PAQR5: variants seen among roughly 807,000 people sequenced by gnomAD.
PAQR5 encodes membrane progestin receptor gamma.
A neutral mutation model predicts 34.5 loss-of-function variants in PAQR5; 20 were observed. That is an observed-to-expected ratio of 0.58 (90% CI 0.41 to 0.84). The LOEUF is 0.84. Among genes scored for constraint, PAQR5 ranks in the 40% least tolerant of loss-of-function variants. The probability of loss-of-function intolerance (pLI) is 0.00; values close to 1 mark genes in which losing one functional copy is unlikely to be tolerated. For synonymous variants in PAQR5, 131 were observed against 155.6 expected, an observed-to-expected ratio of 0.84 and a Z score of 1.18; for missense variants, 378 against 412.7, an observed-to-expected ratio of 0.92 and a Z score of 0.73.
At position 69,300,892 on chromosome 15, in the gene PAQR5, T is replaced by TCTTC. The variant is rs1555411083; in HGVS notation, c.-277+1856_-277+1859dup. Among the ~76,000 whole-genome samples the TCTTC allele has an allele frequency of 2.5e-4, 5 of 20,098 alleles. 2 individuals carry two copies. The highest frequency in any genetic ancestry group is 3.4e-4 in the African/African-American group (3 of 8,698). 13.2% of individuals were successfully genotyped at this position (20,098 alleles called of 152,430 possible). A position where few individuals can be genotyped will look rare whatever the true frequency, so the allele number is the denominator to read the frequency against. Reference sequence around the variant, plus strand: ...TTCTTTCTTTCTTTCTTTCTTTCTTTCTTCCTTCCTTCCTTCCTTCCTTTC... The same window carrying TCTTC: ...TTCTTTCTTTCTTTCTTTCTTTCTTTCTTCCTTCCTTCCTTCCTTCCTTCCTTTC... On this transcript the variant is annotated intron_variant, in intron 1 of 8. Coordinates refer to ENST00000395407, the MANE Select transcript of PAQR5 (RefSeq NM_017705.4).
At chr15:69,361,451 C>T (rs182446079) in intron 3 of PAQR5, among the ~76,000 whole-genome samples, 30 of 152,250 alleles carry the variant, frequency 2.0e-4, no homozygotes, top group Admixed American at 1.6e-3. Flanking sequence ...ACTTCCATCA[C>T]GAGGGAGTGT....
intron 1 of PAQR5, among the ~76,000 whole-genome samples, chr15:69,332,749 A>C (rs1293939825): frequency 1.0e-5 from 1 of 95,542 alleles, no homozygotes. Flanking sequence ...TCCTTTCTCT[A>C]AACTACCCTG....
intron 3 of PAQR5, among the ~76,000 whole-genome samples, chr15:69,370,177 T>C (rs1396914954): frequency 6.6e-6 from 1 of 152,218 alleles, no homozygotes; most frequent in East Asian, 1.9e-4. Context: ...AATCCTTGGT[T>C]CCACCAGCTG....
Position 69,405,315 on chromosome 15 carries a change from T to C in PAQR5, c.*1493T>C, listed in dbSNP as rs2140286350. On this transcript the variant is annotated 3_prime_UTR_variant, in exon 9 of 9. Coordinates refer to ENST00000395407, the MANE Select transcript of PAQR5 (RefSeq NM_017705.4). ...TTAGACTACTGCCTCTACCATTAAC[T>C]AGCCCAGACATTTGAATGGCCTTGT... is the stretch of plus-strand genomic sequence containing the variant. The C allele has an allele frequency of 4.0e-6, 1 of 249,946 alleles. No individual in the cohort carries two copies. Among genetic ancestry groups the C allele is most frequent in the South Asian group, 1.8e-4 (1 of 5,702 alleles). 15.5% of individuals were successfully genotyped at this position (249,946 alleles called of 1,614,324 possible). A position where few individuals can be genotyped will look rare whatever the true frequency, so the allele number is the denominator to read the frequency against.
chr15:69,307,008 A>G (rs550871770), intron 1 of PAQR5, among the ~76,000 whole-genome samples: 12 of 152,192 alleles, frequency 7.9e-5, no homozygotes, highest in Non-Finnish European at 7.3e-5. Flanking sequence ...TTCACTTAGC[A>G]TAGTGTCTTC....
At chr15:69,307,620 C>G (rs928203366) in intron 1 of PAQR5, among the ~76,000 whole-genome samples, 5 of 152,210 alleles carry the variant, frequency 3.3e-5, no homozygotes, top group African/African-American at 1.2e-4. Context: ...GGCTGAGGAA[C>G]TTGGGCTCTG....
At chr15:69,380,103 T>G in intron 4 of PAQR5, 93 bp downstream of exon 4, 1 of 1,420,328 alleles carries the variant, frequency 7.0e-7, no homozygotes, top group Non-Finnish European at 9.7e-7. Context: ...AGGGCTGAGA[T>G]TCTGTGCTGG....
chr15:69,401,171 C>T (rs567868641), intron 8 of PAQR5: 2 of 152,332 alleles, frequency 1.3e-5, no homozygotes, highest in East Asian at 3.9e-4. Flanking sequence ...GAGGAGGAAC[C>T]CTTGCATCAT....
intron 3 of PAQR5, among the ~76,000 whole-genome samples, chr15:69,363,290 A>C (rs1191098825): frequency 6.6e-6 from 1 of 152,174 alleles, no homozygotes; most frequent in African/African-American, 2.4e-5. Context: ...AGAAGGCAGA[A>C]TTTGTGTGTA....
intron 3 of PAQR5, among the ~76,000 whole-genome samples, chr15:69,379,165 G>A (rs1253808697): frequency 6.6e-6 from 1 of 152,052 alleles, no homozygotes; most frequent in Non-Finnish European, 1.5e-5. Context: ...GGGCTGTTGT[G>A]CCTCTGGCCT....
At chr15:69,339,168 A>ACCTC (rs111647955) in intron 2 of PAQR5, among the ~76,000 whole-genome samples, 2 of 134,068 alleles carry the variant, frequency 1.5e-5, no homozygotes. Flanking sequence ...CCCACTGGCT[A>ACCTC]CACCCCCCAC....
At chr15:69,315,329 G>T (rs549675338) in intron 1 of PAQR5, among the ~76,000 whole-genome samples, 13 of 152,264 alleles carry the variant, frequency 8.5e-5, no homozygotes, top group Non-Finnish European at 1.8e-4. Context: ...CGGGGTCTTT[G>T]TCTGAATAAT....
intron 2 of PAQR5, among the ~76,000 whole-genome samples, chr15:69,358,813 AC>A: frequency 6.6e-6 from 1 of 151,874 alleles, no homozygotes; most frequent in Middle Eastern, 3.4e-3. Flanking sequence ...ACAAGGTCTC[AC>A]TATATCACCC....
chr15:69,329,424 A>T (rs2054327289), intron 1 of PAQR5, among the ~76,000 whole-genome samples: 1 of 150,032 alleles, frequency 6.7e-6, no homozygotes, highest in Non-Finnish European at 1.5e-5. Context: ...TAGATGGTAA[A>T]TTATATATGT....
chr15:69,350,860 G>T (rs1041963442), intron 2 of PAQR5, among the ~76,000 whole-genome samples: 1 of 152,276 alleles, frequency 6.6e-6, no homozygotes, highest in East Asian at 1.9e-4. Context: ...CCCAGGCTTC[G>T]CCAAAGGGAT....
chr15:69,372,504 C>T (rs2055591807), intron 3 of PAQR5, among the ~76,000 whole-genome samples: 1 of 152,170 alleles, frequency 6.6e-6, no homozygotes, highest in African/African-American at 2.4e-5. Flanking sequence ...GATCGTGCCA[C>T]TGCACTCCAC....
In PAQR5 at chr15:69,360,103, G is replaced by A. The variant is rs759132084; in HGVS notation, c.23G>A (p.Arg8Lys). The change falls in exon 3 of 9, where the codon AGG (arginine) becomes AAG (lysine). Residue 8 changes from arginine to lysine, a missense_variant. Physicochemically the swap from Arg to Lys is conservative, Grantham distance 26 (BLOSUM62 2). Transcript: ENST00000395407. ...AAGATGCTGAGCCTGAAGCTCCCCA[G>A]GCTGTTTAGCATAGACCAGATACCC... MLSLKLP[R>K]LFSIDQIPQV... The A allele has an allele frequency of 3.7e-6, 6 of 1,613,780 alleles. No homozygotes were observed. The highest frequency in any genetic ancestry group is 5.1e-6 in the Non-Finnish European group (6 of 1,179,832).
Position 69,385,470 on chromosome 15 carries a change from G to C in PAQR5, c.385+588G>C, listed in dbSNP as rs183819465. Among the ~76,000 whole-genome samples, 1 of 152,240 alleles carries C rather than the reference G, an allele frequency of 6.6e-6. No individual in the cohort carries two copies. Among genetic ancestry groups the C allele is most frequent in the African/African-American group, 2.4e-5 (1 of 41,514 alleles). ...AGAGGCTTAGCACAATCAGAGAGAT[G>C]CTCAGAGTGTGCGGGAATAGATCAG... is the stretch of plus-strand genomic sequence containing the variant. On this transcript the variant is annotated intron_variant, in intron 5 of 8. Coordinates refer to ENST00000395407, the MANE Select transcript of PAQR5 (RefSeq NM_017705.4). This position sits in a 1 kb window ranked among gnomAD's most constrained non-coding sequence, Gnocchi z 4.7.
intron 6 of PAQR5, among the ~76,000 whole-genome samples, chr15:69,395,118 G>T (rs1164732629): frequency 6.6e-6 from 1 of 152,234 alleles, no homozygotes; most frequent in Non-Finnish European, 1.5e-5. Flanking sequence ...ACGGCAGGCG[G>T]TGGCAGGGCA....
Sources: gnomAD v4.1 joint callset for allele counts (sites outside exome capture counted in the v4.1 genomes callset) on GRCh38, gnomAD v4.1.1 for gene constraint, Gnocchi (gnomAD v3.1) non-coding constraint, MANE v1.5 for transcripts, NCBI Gene and HGNC (gene_info 2026-07-23, HGNC 2026-07-21) for gene names.